The following FARSB variants were observed in gnomAD, a reference collection of about 807,000 sequenced individuals.
The protein encoded by FARSB is phenylalanine--tRNA ligase beta subunit.
In FARSB, 40 loss-of-function variants were observed where a neutral mutation model predicts 69.6. The ratio of observed to expected loss-of-function variants is 0.57; its 90% CI spans 0.45 to 0.75. The LOEUF (loss-of-function observed/expected upper bound fraction) is 0.75. Ranked by LOEUF, FARSB falls within the 30% of genes least tolerant of loss-of-function variation. The pLI is 0.00. For synonymous variants in FARSB, 235 were observed against 247.2 expected, an observed-to-expected ratio of 0.95 and a Z score of 0.46; for missense variants, 632 against 722.9, an observed-to-expected ratio of 0.87 and a Z score of 1.44.
Position 222,631,587 on chromosome 2 carries a change from G to A in FARSB, c.786+17C>T. On this transcript the variant is annotated intron_variant, in intron 8 of 16. Transcript: ENST00000281828. ...TCCCAGCTGATCATACAAAAATTGAGTAAAAGTTTTACTTACCTTAGTAAA... is the reference window on the plus strand; with the variant it reads ...TCCCAGCTGATCATACAAAAATTGAATAAAAGTTTTACTTACCTTAGTAAA... The A allele has an allele frequency of 7.3e-7, 1 of 1,367,948 alleles. No individual in the cohort carries two copies. The highest frequency in any genetic ancestry group is 1.0e-6 in the Non-Finnish European group (1 of 957,956). The allele number at this position is 1,367,948 out of a possible 1,614,324, so 84.7% of individuals were successfully genotyped here.
Position 222,631,590 on chromosome 2 carries a change from A to C in FARSB, c.786+14T>G, listed in dbSNP as rs2106226929. 1 of 1,401,990 alleles carries C rather than the reference A, an allele frequency of 7.1e-7. No homozygotes were observed. Among genetic ancestry groups the C allele is most frequent in the East Asian group, 2.3e-5 (1 of 43,820 alleles). 86.8% of individuals were successfully genotyped at this position (1,401,990 alleles called of 1,614,324 possible). ...CAGCTGATCATACAAAAATTGAGTA[A>C]AAGTTTTACTTACCTTAGTAAAGTC... On this transcript the variant is annotated intron_variant, in intron 8 of 16. Coordinates refer to ENST00000281828, the MANE Select transcript of FARSB (RefSeq NM_005687.5).
chr2:222,655,581 A>C (rs1163929908), intron 1 of FARSB, among the ~76,000 whole-genome samples: 2 of 152,218 alleles, frequency 1.3e-5, no homozygotes, highest in Non-Finnish European at 2.9e-5. Flanking sequence ...AGGAAACATT[A>C]ATAAAACGAA....
chr2:222,604,722 ATTTTTTTT>A (rs56201038), intron 15 of FARSB, among the ~76,000 whole-genome samples: 3 of 110,716 alleles, frequency 2.7e-5, no homozygotes, highest in Non-Finnish European at 3.5e-5. Flanking sequence ...TGCCCACTGA[ATTTTTTTT>A]TTTTTTTTTT....
chr2:222,637,011 T>A (rs975074408), intron 5 of FARSB, among the ~76,000 whole-genome samples: 1 of 152,076 alleles, frequency 6.6e-6, no homozygotes, highest in African/African-American at 2.4e-5. Context: ...AACATACACA[T>A]AATAAATAGA....
chr2:222,600,424 T>C (rs1174922418), intron 15 of FARSB, among the ~76,000 whole-genome samples: 2 of 152,156 alleles, frequency 1.3e-5, no homozygotes, highest in Non-Finnish European at 2.9e-5. Context: ...ATAATATTAA[T>C]ACTACCCAAA....
At chr2:222,572,055 T>A in intron 16 of FARSB, 33 bp from the exon 17 acceptor site, 1 of 1,597,376 alleles carries the variant, frequency 6.3e-7, no homozygotes, top group Non-Finnish European at 8.5e-7. Context: ...AAAATCAATG[T>A]TTCTTCTGGC....
chr2:222,635,919 A>G (rs998058217), intron 5 of FARSB, among the ~76,000 whole-genome samples: 5 of 152,002 alleles, frequency 3.3e-5, no homozygotes, highest in Admixed American at 2.0e-4. Flanking sequence ...ATCTCCACAA[A>G]AAATGTAAAA....
chr2:222,621,777 C>T (rs1424905713), intron 13 of FARSB, among the ~76,000 whole-genome samples: 1 of 152,210 alleles, frequency 6.6e-6, no homozygotes, highest in Non-Finnish European at 1.5e-5. Context: ...GGCTGTTACT[C>T]TTGTGCAAAA....
chr2:222,593,551 CA>C (rs1690331532), intron 16 of FARSB, among the ~76,000 whole-genome samples: 1 of 152,076 alleles, frequency 6.6e-6, no homozygotes, highest in Non-Finnish European at 1.5e-5. Flanking sequence ...CTATTTAATT[CA>C]AAAGGTTATT....
chr2:222,617,971 A>T (rs1314412052), intron 14 of FARSB, among the ~76,000 whole-genome samples: 1 of 152,260 alleles, frequency 6.6e-6, no homozygotes, highest in Non-Finnish European at 1.5e-5. Context: ...ATTTCGAATA[A>T]GCAAAAATCC....
At chr2:222,583,135 C>T (rs1162996067) in intron 16 of FARSB, among the ~76,000 whole-genome samples, 1 of 152,032 alleles carries the variant, frequency 6.6e-6, no homozygotes, top group Non-Finnish European at 1.5e-5. Flanking sequence ...CTCCTGCTGG[C>T]CAAACTGGGG....
rs1574922863 is a variant in FARSB, at chr2:222,599,794, A to G, written c.1618+134T>C. ...GGAAAGGGGATATTTTCTGGATAAT[A>G]TTGACAATTAATTGAAATAAAACTC... On this transcript the variant is annotated intron_variant, in intron 16 of 16. Coordinates refer to ENST00000281828, the MANE Select transcript of FARSB (RefSeq NM_005687.5). 13 of 699,586 alleles carry G rather than the reference A, an allele frequency of 1.9e-5. No homozygotes were observed. In the East Asian group the frequency reaches 3.5e-4, roughly 19 times the overall value. The allele number at this position is 699,586 out of a possible 1,614,324, so 43.3% of individuals were successfully genotyped here.
intron 5 of FARSB, among the ~76,000 whole-genome samples, chr2:222,637,966 A>AG (rs1242903128): frequency 1.3e-5 from 2 of 152,162 alleles, no homozygotes; most frequent in Non-Finnish European, 2.9e-5. Context: ...TGGACAACAG[A>AG]GAAAAACCCT....
intron 16 of FARSB, among the ~76,000 whole-genome samples, chr2:222,578,472 A>G (rs1382909949): frequency 1.3e-5 from 2 of 152,250 alleles, no homozygotes; most frequent in Non-Finnish European, 2.9e-5. Flanking sequence ...TAGTGCAAAC[A>G]TAACTTTAAA....
At chr2:222,598,951 AAAAG>A (rs1313877958) in intron 16 of FARSB, among the ~76,000 whole-genome samples, 1 of 152,044 alleles carries the variant, frequency 6.6e-6, no homozygotes, top group Non-Finnish European at 1.5e-5. Context: ...TAAAAAAAAA[AAAAG>A]AACCACACAC....
Position 222,621,056 on chromosome 2 carries a change from G to A in FARSB, c.1252-1319C>T, listed in dbSNP as rs72966162. On this transcript the variant is annotated intron_variant, in intron 13 of 16. Coordinates refer to ENST00000281828, the MANE Select transcript of FARSB (RefSeq NM_005687.5). The stretch of plus-strand genomic sequence containing the variant: ...ACAGCATAAAGAAGTTTTACAGCAA[G>A]ACTTAGGTATAATGTGACTGATTAA... Among the ~76,000 whole-genome samples, 293 of 152,316 alleles carry A rather than the reference G, an allele frequency of 1.9e-3. 1 individual carries two copies. The highest frequency in any genetic ancestry group is 3.5e-3 in the Non-Finnish European group (239 of 68,024).
intron 13 of FARSB, among the ~76,000 whole-genome samples, chr2:222,621,666 A>T (rs2106216940): frequency 6.6e-6 from 1 of 152,380 alleles, no homozygotes; most frequent in Non-Finnish European, 1.5e-5. Context: ...GAGCCAATTT[A>T]AAAGAAAATA....
chr2:222,602,623 T>A (rs921302900), intron 15 of FARSB, among the ~76,000 whole-genome samples: 8 of 151,856 alleles, frequency 5.3e-5, no homozygotes, highest in African/African-American at 1.4e-4. Context: ...CTTTTTTTTT[T>A]AATTTTATTA....
rs116756199 is a variant in FARSB, at chr2:222,644,596, G to C, written c.115-1591C>G. ...TACAGAGAAGATAATATAATAACCG[G>C]AGAAATGAAGGCATCTGCATTCATT... On this transcript the variant is annotated intron_variant, in intron 2 of 16. Coordinates refer to ENST00000281828, the MANE Select transcript of FARSB (RefSeq NM_005687.5). 4.1e-3 allele frequency: 1,800 copies of C among 435,352 alleles called. 23 individuals are homozygous for C. The highest frequency in any genetic ancestry group is 0.034 in the African/African-American group (1,678 of 49,362). The allele number at this position is 435,352 out of a possible 1,614,324, so 27.0% of individuals were successfully genotyped here.
Sources: allele counts gnomAD v4.1 joint callset (sites outside exome capture counted in the v4.1 genomes callset), GRCh38; gene constraint gnomAD v4.1.1; transcripts MANE v1.5; gene names NCBI Gene and HGNC (gene_info 2026-07-23, HGNC 2026-07-21).